HEATR5A: variants seen among roughly 807,000 people sequenced by gnomAD.
HEATR5A encodes the protein HEAT repeat containing 5A.
In HEATR5A, 178 loss-of-function variants were observed where a neutral mutation model predicts 218.8. The observed-to-expected ratio is 0.81, with a 90% CI of 0.72 to 0.92. The LOEUF (loss-of-function observed/expected upper bound fraction) is 0.92, where lower values mean the gene tolerates loss of function less well. HEATR5A is among the 40% of genes least tolerant of loss of function. HEATR5A has a pLI of 0.00. For missense variants in HEATR5A, 2,420 were observed against 2,418.9 expected (o/e 1.00, Z -0.01); for synonymous variants, 864 against 871.6 (o/e 0.99, Z 0.15).
At position 31,398,751 on chromosome 14, in the gene HEATR5A, G is replaced by C; in HGVS notation, c.369C>G (p.Tyr123Ter). The C allele has an allele frequency of 6.5e-7, 1 of 1,531,878 alleles. No homozygotes were observed. The highest frequency in any genetic ancestry group is 8.7e-7 in the Non-Finnish European group (1 of 1,143,108). The allele number at this position is 1,531,878 out of a possible 1,614,324, so 94.9% of individuals were successfully genotyped here. A position where few individuals can be genotyped will look rare whatever the true frequency, so the allele number is the denominator to read the frequency against. ...LAAVVCLGSLYKKLGRILGNT... is the reference protein window; with the variant it reads ...LAAVVCLGSL ...TACCCAGTATTCTACCCAACTTCTT[G>C]TACAAGGAACCCAAACATACCACAG... Residue 123 changes from tyrosine to a stop codon, truncating the protein, a stop_gained, in exon 4 of 36, where the codon TAC (tyrosine) becomes TAG (stop). Coordinates refer to ENST00000543095, the MANE Select transcript of HEATR5A (RefSeq NM_015473.4). LOFTEE classifies it high-confidence loss of function.
intron 22 of HEATR5A, among the ~76,000 whole-genome samples, chr14:31,331,747 G>C (rs368122840): frequency 1.6e-4 from 24 of 152,302 alleles, no homozygotes; most frequent in African/African-American, 5.3e-4. Context: ...AATCATGGTG[G>C]AAGGGGAAGA....
intron 1 of HEATR5A, among the ~76,000 whole-genome samples, chr14:31,408,252 T>C (rs2031149274): frequency 6.6e-6 from 1 of 152,220 alleles, no homozygotes; most frequent in African/African-American, 2.4e-5. Flanking sequence ...TCCAGCATTG[T>C]GCCAACAGAT....
intron 16 of HEATR5A, among the ~76,000 whole-genome samples, chr14:31,355,397 A>G (rs1297257819): frequency 2.0e-5 from 3 of 151,986 alleles, no homozygotes; most frequent in Non-Finnish European, 4.4e-5. Context: ...TGGTTGACAG[A>G]GCAAAACTCT....
chr14:31,320,155 G>A (rs567883644), intron 25 of HEATR5A: 449 of 443,548 alleles, frequency 1.0e-3, no homozygotes, highest in Non-Finnish European at 1.7e-3. Flanking sequence ...GTAAAGCTTA[G>A]CACACCCCAG....
chr14:31,296,573 A>ATG (rs1259317371), intron 33 of HEATR5A: 1 of 152,504 alleles, frequency 6.6e-6, no homozygotes, highest in Non-Finnish European at 1.5e-5. Flanking sequence ...TTTATAATAC[A>ATG]TGTATCAAGT....
intron 11 of HEATR5A, among the ~76,000 whole-genome samples, chr14:31,378,359 T>A (rs1468602684): frequency 3.9e-5 from 6 of 152,164 alleles, no homozygotes; most frequent in Non-Finnish European, 8.8e-5. Flanking sequence ...ACAAAATATC[T>A]TTTTTCCCCA....
chr14:31,373,309 C>A (rs1902107334), intron 12 of HEATR5A, among the ~76,000 whole-genome samples: 1 of 151,708 alleles, frequency 6.6e-6, no homozygotes, highest in East Asian at 1.9e-4. Flanking sequence ...GGGATCTCAC[C>A]CTTCATGGTG....
intron 5 of HEATR5A, 85 bp downstream of exon 5, chr14:31,395,114 G>T: frequency 1.2e-6 from 1 of 864,836 alleles, no homozygotes; most frequent in East Asian, 2.7e-5. Context: ...CCAAGATCAT[G>T]TAGCTTTTAC....
chr14:31,340,695 G>A (rs944653993), intron 21 of HEATR5A, among the ~76,000 whole-genome samples: 9 of 152,144 alleles, frequency 5.9e-5, no homozygotes, highest in African/African-American at 1.7e-4. Flanking sequence ...ACTCTAAGAC[G>A]TAAATATATA....
chr14:31,334,685 G>A (rs528736540), intron 22 of HEATR5A, among the ~76,000 whole-genome samples: 22 of 152,266 alleles, frequency 1.4e-4, no homozygotes, highest in Non-Finnish European at 2.4e-4. Context: ...GGTGGCTCAC[G>A]CCTTTAGTCC....
At position 31,386,582 on chromosome 14, in the gene HEATR5A, G is replaced by A. The variant is rs375532231; in HGVS notation, c.1190-7C>T. On this transcript the variant is annotated splice_polypyrimidine_tract_variant and splice_region_variant and intron_variant, in intron 8 of 35. Coordinates refer to ENST00000543095, the MANE Select transcript of HEATR5A (RefSeq NM_015473.4). ...CCATCACTCATTACGGCATCTGATA[G>A]AAATGCAAGAATTAACTATGCATAA... 6.4e-7 allele frequency: 1 copy of A among 1,565,326 alleles called. No homozygotes were observed. Among genetic ancestry groups the A allele is most frequent in the Non-Finnish European group, 8.6e-7 (1 of 1,159,030 alleles).
In HEATR5A at chr14:31,388,989, G is replaced by A. The variant is rs1356797171; in HGVS notation, c.789C>T (p.Ser263=). 1 of 1,611,708 alleles carries A rather than the reference G, an allele frequency of 6.2e-7. No individual in the cohort carries two copies. Among genetic ancestry groups the A allele is most frequent in the Non-Finnish European group, 8.5e-7 (1 of 1,178,766 alleles). ...KHPGTAASRQ[S]IRRVSLEEVL... ...CTTCCTCCAAAGATACTCTGCGAATGCTTTGACGTGAGGCTGCTATGACAA... is the reference window on the plus strand; with the variant it reads ...CTTCCTCCAAAGATACTCTGCGAATACTTTGACGTGAGGCTGCTATGACAA... Residue 263 remains serine, a synonymous_variant, in exon 7 of 36, where the codon AGC becomes AGT. Coordinates refer to ENST00000543095, the MANE Select transcript of HEATR5A (RefSeq NM_015473.4).
Position 31,323,572 on chromosome 14 carries a change from ATC to A in HEATR5A, c.3778_3779del (p.Asp1260PhefsTer4). ...IALAQEMKKRDSRNDFLVLHL... is the reference protein window; with the variant it reads ...IALAQEMKKRXSRNDFLVLHL... ...CATCACTATGTCACTTACTTCTTGAATCTCTTTTTTTCATTTCTTGTGCTAAA... is the reference window on the plus strand; with the variant it reads ...CATCACTATGTCACTTACTTCTTGAATCTTTTTTTCATTTCTTGTGCTAAA... On this transcript the variant is annotated frameshift_variant, in exon 24 of 36. Transcript: ENST00000543095. LOFTEE classifies it high-confidence loss of function. 1.3e-6 allele frequency: 2 copies of A among 1,596,530 alleles called. No individual in the cohort carries two copies. Among genetic ancestry groups the A allele is most frequent in the Non-Finnish European group, 1.7e-6 (2 of 1,170,508 alleles).
At chr14:31,407,143 T>C (rs929474778) in intron 1 of HEATR5A, among the ~76,000 whole-genome samples, 2 of 151,178 alleles carry the variant, frequency 1.3e-5, no homozygotes, top group African/African-American at 4.9e-5. Flanking sequence ...ATAAAAAAAT[T>C]AGCTGGGCAT....
chr14:31,297,550 A>G (rs1350761540), intron 33 of HEATR5A: 5 of 152,254 alleles, frequency 3.3e-5, no homozygotes, highest in Non-Finnish European at 7.3e-5. Flanking sequence ...GGGTGATCAG[A>G]GAAAGCCTTG....
chr14:31,409,034 G>A (rs550624847), intron 1 of HEATR5A, among the ~76,000 whole-genome samples: 2 of 11,306 alleles, frequency 1.8e-4, no homozygotes, highest in Non-Finnish European at 1.1e-3. Context: ...CAGCCTGGGC[G>A]ACAGAGCGAG....
At chr14:31,407,602 A>T (rs1195587268) in intron 1 of HEATR5A, among the ~76,000 whole-genome samples, 1 of 968 alleles carries the variant, frequency 1.0e-3, no homozygotes, top group African/African-American at 1.9e-3. Flanking sequence ...ATATATATAT[A>T]TATATATATA....
intron 1 of HEATR5A, among the ~76,000 whole-genome samples, chr14:31,407,598 A>ATATATATATATT (rs1186314373): frequency 0.044 from 24 of 546 alleles, no homozygotes; most frequent in African/African-American, 0.084. Context: ...ATATATATAT[A>ATATATATATATT]TATATATATA....
chr14:31,371,428 G>A (rs1364654685), intron 13 of HEATR5A: 5 of 153,562 alleles, frequency 3.3e-5, no homozygotes, highest in Non-Finnish European at 7.2e-5. Context: ...TTCTCTATAT[G>A]TTCTAATCAT....
Sources: gnomAD v4.1 joint callset for allele counts (sites outside exome capture counted in the v4.1 genomes callset) on GRCh38, gnomAD v4.1.1 for gene constraint, MANE v1.5 for transcripts, NCBI Gene and HGNC (gene_info 2026-07-23, HGNC 2026-07-21) for gene names.